BCAS3: variants seen among roughly 807,000 people sequenced by gnomAD.
BCAS3 encodes the protein BCAS4/BCAS3 fusion.
Under a neutral mutation model 116.1 loss-of-function variants are expected in BCAS3, and 53 were observed. The observed-to-expected ratio is 0.46, with a 90% CI of 0.37 to 0.57. The LOEUF is 0.57. Ranked by LOEUF, BCAS3 falls within the 20% of genes least tolerant of loss-of-function variation. The pLI, the probability that BCAS3 is intolerant of heterozygous loss-of-function variation, is 0.00. For missense variants in BCAS3, 917 were observed against 1,165.4 expected, an observed-to-expected ratio of 0.79 and a Z score of 3.10; for synonymous variants, 391 against 408.2, an observed-to-expected ratio of 0.96 and a Z score of 0.51.
chr17:61,174,711 G>A lies in BCAS3; in HGVS notation c.2425+90147G>A, dbSNP rs564206986. Reference sequence around the variant, plus strand: ...CTCATGGTTTGTATGGTTAAAATAAGGAAATGGCCAAAGTATGATTTCAAT... The same window carrying A: ...CTCATGGTTTGTATGGTTAAAATAAAGAAATGGCCAAAGTATGATTTCAAT... On this transcript the variant is annotated intron_variant, in intron 22 of 23. Transcript: ENST00000407086. Among the ~76,000 whole-genome samples the A allele has an allele frequency of 4.6e-5, 7 of 152,212 alleles. No homozygotes were observed. In the South Asian group the frequency reaches 1.5e-3, roughly 32 times the overall value.
intron 9 of BCAS3, chr17:60,886,617 G>A (rs2056660494): frequency 6.6e-6 from 1 of 150,698 alleles, no homozygotes; most frequent in South Asian, 2.1e-4. Context: ...GTACAGATGG[G>A]TTTTCGGTGT....
At chr17:60,772,504 G>T (rs2044819746) in intron 6 of BCAS3, among the ~76,000 whole-genome samples, 1 of 152,170 alleles carries the variant, frequency 6.6e-6, no homozygotes, top group African/African-American at 2.4e-5. Context: ...CATTCTGTAG[G>T]TTGCCTGTTG....
chr17:61,082,865 C>T lies in BCAS3; in HGVS notation c.2328-1602C>T, dbSNP rs568351177. Among the ~76,000 whole-genome samples, 29 of 152,238 alleles carry T rather than the reference C, an allele frequency of 1.9e-4. No individual in the cohort carries two copies. Among genetic ancestry groups the T allele is most frequent in the African/African-American group, 6.0e-4 (25 of 41,544 alleles). On this transcript the variant is annotated intron_variant, in intron 21 of 23. Transcript: ENST00000407086. This position sits in a 1 kb window ranked among gnomAD's most constrained non-coding sequence, Gnocchi z 5.1. ...TTTGTTAATCAGTATTTTCACCTTC[C>T]GGTAATAGATCATCCTATACCTCCC...
At chr17:60,700,542 G>T (rs1056295496) in intron 4 of BCAS3, among the ~76,000 whole-genome samples, 2 of 152,140 alleles carry the variant, frequency 1.3e-5, no homozygotes, top group Non-Finnish European at 2.9e-5. Context: ...AGTAATGGGT[G>T]GAATGAGTTA....
intron 4 of BCAS3, among the ~76,000 whole-genome samples, chr17:60,694,079 G>A (rs951386635): frequency 6.6e-6 from 1 of 150,622 alleles, no homozygotes; most frequent in Admixed American, 6.6e-5. Context: ...GTAGAGACGG[G>A]GTTTCACCAT....
At chr17:60,959,279 C>A (rs1288465712) in intron 14 of BCAS3, among the ~76,000 whole-genome samples, 1 of 151,974 alleles carries the variant, frequency 6.6e-6, no homozygotes, top group African/African-American at 2.4e-5. Flanking sequence ...TGCACTCCAG[C>A]CTGGGAAACA....
chr17:61,194,186 G>C (rs1430863635), intron 22 of BCAS3, among the ~76,000 whole-genome samples: 1 of 152,156 alleles, frequency 6.6e-6, no homozygotes, highest in Non-Finnish European at 1.5e-5. Context: ...TGTGCTATTA[G>C]CTCGTATTAG....
chr17:61,117,079 G>T (rs533427212), intron 22 of BCAS3, among the ~76,000 whole-genome samples: 20 of 152,076 alleles, frequency 1.3e-4, no homozygotes, highest in African/African-American at 4.3e-4. Flanking sequence ...CAAATACTTT[G>T]CCAACCCACA....
chr17:61,366,987 C>T lies in BCAS3; in HGVS notation c.2426-1340C>T, dbSNP rs758607179. ...GAGTGTTTACTAACGGTTATCACCT[C>T]AATGCTGTGGCCATTATCAGAGGCA... On this transcript the variant is annotated intron_variant, in intron 22 of 23. Coordinates refer to ENST00000407086, the MANE Select transcript of BCAS3 (RefSeq NM_017679.5). This position sits in a 1 kb window ranked among gnomAD's most constrained non-coding sequence, Gnocchi z 4.5. Among the ~76,000 whole-genome samples the T allele has an allele frequency of 1.8e-4, 28 of 152,202 alleles. 1 individual carries two copies. The highest frequency in any genetic ancestry group is 3.3e-4 in the Admixed American group (5 of 15,274).
chr17:60,726,920 T>C (rs184983803), intron 5 of BCAS3, among the ~76,000 whole-genome samples: 1 of 152,162 alleles, frequency 6.6e-6, no homozygotes, highest in Non-Finnish European at 1.5e-5. Context: ...TTAGGCATAT[T>C]GCATATATTA....
Position 61,387,591 on chromosome 17 carries a change from T to C in BCAS3, c.2594-4386T>C, listed in dbSNP as rs2059922217. Reference sequence around the variant, plus strand: ...AGTTGCTACTCATTCATCATCCCCCTACCCCTGGGGGCTGTCCATCCTGGC... The same window carrying C: ...AGTTGCTACTCATTCATCATCCCCCCACCCCTGGGGGCTGTCCATCCTGGC... On this transcript the variant is annotated intron_variant, in intron 23 of 23. Transcript: ENST00000407086. The surrounding 1 kb of genome is among the most constrained non-coding windows in gnomAD (Gnocchi z 6.2). Among the ~76,000 whole-genome samples, 1 of 152,122 alleles carries C rather than the reference T, an allele frequency of 6.6e-6. No individual in the cohort carries two copies. Among genetic ancestry groups the C allele is most frequent in the South Asian group, 2.1e-4 (1 of 4,830 alleles).
intron 14 of BCAS3, among the ~76,000 whole-genome samples, chr17:60,949,764 A>G (rs147842056): frequency 6.6e-6 from 1 of 152,324 alleles, no homozygotes; most frequent in East Asian, 1.9e-4. Context: ...ATTGTTAACT[A>G]TAGTTACTTT....
chr17:61,106,926 G>A lies in BCAS3; in HGVS notation c.2425+22362G>A, dbSNP rs2143701162. On this transcript the variant is annotated intron_variant, in intron 22 of 23. Transcript: ENST00000407086. The surrounding 1 kb of genome is among the most constrained non-coding windows in gnomAD (Gnocchi z 4.2). ...AAATTCCCAGAAGTGGAAATTCTGG[G>A]TCCAGAATACGTATATTTTTAAGTC... Among the ~76,000 whole-genome samples the A allele has an allele frequency of 6.6e-6, 1 of 152,136 alleles. No individual in the cohort carries two copies. The highest frequency in any genetic ancestry group is 1.5e-5 in the Non-Finnish European group (1 of 67,972).
intron 4 of BCAS3, among the ~76,000 whole-genome samples, chr17:60,693,494 A>C (rs1396051190): frequency 6.6e-6 from 1 of 151,096 alleles, no homozygotes; most frequent in African/African-American, 2.4e-5. Context: ...GGCTCACTGC[A>C]GCCCCGACCT....
At position 60,727,558 on chromosome 17, in the gene BCAS3, C is replaced by T. The variant is rs1048701336; in HGVS notation, c.321+18233C>T. 66 of 1,100,004 alleles carry T rather than the reference C, an allele frequency of 6.0e-5. No homozygotes were observed. In the South Asian group the frequency reaches 1.1e-3, roughly 19 times the overall value. 68.1% of individuals were successfully genotyped at this position (1,100,004 alleles called of 1,614,324 possible). A position where few individuals can be genotyped will look rare whatever the true frequency, so the allele number is the denominator to read the frequency against. ...TGAGACTCTCGCCTCGCAAAGCTCT[C>T]GCCTGACAGGAAAGGAAAAAACAGA... On this transcript the variant is annotated intron_variant, in intron 5 of 23. Coordinates refer to ENST00000407086, the MANE Select transcript of BCAS3 (RefSeq NM_017679.5).
In BCAS3 at chr17:61,256,095, A is replaced by G. The variant is rs978142963; in HGVS notation, c.2426-112232A>G. Among the ~76,000 whole-genome samples the G allele has an allele frequency of 1.3e-5, 2 of 152,122 alleles. No individual in the cohort carries two copies. The highest frequency in any genetic ancestry group is 2.4e-5 in the African/African-American group (1 of 41,424). ...TGTTTTCCAGCCTCCATCAGCCTCT[A>G]CTGGTAATCAGGAGAAATGGGCCAA... On this transcript the variant is annotated intron_variant, in intron 22 of 23. Coordinates refer to ENST00000407086, the MANE Select transcript of BCAS3 (RefSeq NM_017679.5). This position sits in a 1 kb window ranked among gnomAD's most constrained non-coding sequence, Gnocchi z 5.6.
At chr17:61,329,527 G>A (rs1174430725) in intron 22 of BCAS3, among the ~76,000 whole-genome samples, 2 of 151,822 alleles carry the variant, frequency 1.3e-5, no homozygotes, top group African/African-American at 4.8e-5. Flanking sequence ...TTTTTTAGTA[G>A]AGACGGGGTT....
At chr17:60,991,074 A>C (rs1354579417) in intron 15 of BCAS3, among the ~76,000 whole-genome samples, 2 of 152,164 alleles carry the variant, frequency 1.3e-5, no homozygotes, top group Non-Finnish European at 2.9e-5. Context: ...TCTCTTTTGC[A>C]TACCTTCTCC....
In BCAS3 at chr17:61,139,689, A is replaced by T. The variant is rs1601530556; in HGVS notation, c.2425+55125A>T. Among the ~76,000 whole-genome samples, 1 of 152,336 alleles carries T rather than the reference A, an allele frequency of 6.6e-6. No individual in the cohort carries two copies. The highest frequency in any genetic ancestry group is 1.9e-4 in the East Asian group (1 of 5,188). On this transcript the variant is annotated intron_variant, in intron 22 of 23. Coordinates refer to ENST00000407086, the MANE Select transcript of BCAS3 (RefSeq NM_017679.5). The surrounding 1 kb of genome is among the most constrained non-coding windows in gnomAD (Gnocchi z 4.7). ...TAAAAGTCATCATGCTACATGATGTAGGGAATATAAAAAATGAAGAAGGCA... is the reference window on the plus strand; with the variant it reads ...TAAAAGTCATCATGCTACATGATGTTGGGAATATAAAAAATGAAGAAGGCA...
Sources: allele counts gnomAD v4.1 joint callset (sites outside exome capture counted in the v4.1 genomes callset), GRCh38; gene constraint gnomAD v4.1.1; non-coding constraint Gnocchi (gnomAD v3.1); transcripts MANE v1.5; gene names NCBI Gene and HGNC (gene_info 2026-07-23, HGNC 2026-07-21).